Variants in SLC6A5 observed in about 807,000 individuals in gnomAD.
SLC6A5 encodes the protein sodium- and chloride-dependent glycine transporter 2.
Under a neutral mutation model 90.5 loss-of-function variants are expected in SLC6A5, and 58 were observed. The ratio of observed to expected loss-of-function variants is 0.64; its 90% CI spans 0.52 to 0.80. SLC6A5 has a LOEUF of 0.80. Among genes scored for constraint, SLC6A5 ranks in the 30% least tolerant of loss-of-function variants. SLC6A5 has a pLI of 0.00. For synonymous variants in SLC6A5, 427 were observed against 401.4 expected (o/e 1.06, Z -0.76); for missense variants, 1,015 against 1,017.6 (o/e 1.00, Z 0.03).
chr11:20,604,438 G>A lies in SLC6A5; in HGVS notation c.679+14G>A, dbSNP rs1193582051. 3.7e-6 allele frequency: 6 copies of A among 1,612,450 alleles called. No individual in the cohort carries two copies. The highest frequency in any genetic ancestry group is 1.1e-5 in the South Asian group (1 of 90,914). On this transcript the variant is annotated intron_variant, in intron 3 of 15. Transcript: ENST00000525748. ...AGAACGGGGGAGGTATGGCTTTTCCGCTCTTTCCGCCTGCGGCGGGGCGGG... is the reference window on the plus strand; with the variant it reads ...AGAACGGGGGAGGTATGGCTTTTCCACTCTTTCCGCCTGCGGCGGGGCGGG...
intron 13 of SLC6A5, among the ~76,000 whole-genome samples, chr11:20,643,346 C>T (rs748641527): frequency 2.0e-5 from 3 of 151,954 alleles, no homozygotes; most frequent in Non-Finnish European, 4.4e-5. Flanking sequence ...GCTCAGAAGG[C>T]CTAGTGATCA....
intron 9 of SLC6A5, 77 bp from the exon 10 acceptor site, chr11:20,630,614 C>T (rs1363703827): frequency 2.0e-6 from 3 of 1,536,266 alleles, no homozygotes; most frequent in Admixed American, 1.7e-5. Flanking sequence ...TGTGGGCACA[C>T]ATTTGTGTGT....
At chr11:20,619,931 G>C (rs191452732) in intron 7 of SLC6A5, among the ~76,000 whole-genome samples, 1 of 152,276 alleles carries the variant, frequency 6.6e-6, no homozygotes, top group African/African-American at 2.4e-5. Flanking sequence ...CAGGGAGATG[G>C]GAAATGTTAA....
chr11:20,646,363 G>A (rs946290786), intron 13 of SLC6A5, among the ~76,000 whole-genome samples: 1 of 152,182 alleles, frequency 6.6e-6, no homozygotes, highest in African/African-American at 2.4e-5. Flanking sequence ...CTCATTGGAA[G>A]AGTGGCTTTG....
At chr11:20,646,996 A>G in intron 14 of SLC6A5, 62 bp downstream of exon 14, 2 of 1,083,106 alleles carry the variant, frequency 1.8e-6, no homozygotes, top group South Asian at 1.2e-5. Flanking sequence ...GGTGTTTTAC[A>G]TTTGAACAGT....
intron 3 of SLC6A5, among the ~76,000 whole-genome samples, chr11:20,605,204 A>G (rs1247216241): frequency 2.6e-5 from 4 of 152,134 alleles, no homozygotes; most frequent in Non-Finnish European, 4.4e-5. Context: ...AGCAATAGGA[A>G]TTTGAACCTA....
rs182295395 is a variant in SLC6A5, at chr11:20,640,621, C to T, written c.1969+2063C>T. Reference sequence around the variant, plus strand: ...CTGCAGTGTCGGATGTGGGTGTGCGCCTCTGATTTGGATCTGGATGGAATT... The same window carrying T: ...CTGCAGTGTCGGATGTGGGTGTGCGTCTCTGATTTGGATCTGGATGGAATT... On this transcript the variant is annotated intron_variant, in intron 13 of 15. Transcript: ENST00000525748. 4.6e-5 allele frequency among the ~76,000 whole-genome samples: 7 copies of T among 151,750 alleles called. 1 individual carries two copies. In the South Asian group the frequency reaches 1.3e-3, roughly 27 times the overall value.
At chr11:20,632,061 G>T (rs903067258) in intron 10 of SLC6A5, among the ~76,000 whole-genome samples, 3 of 152,184 alleles carry the variant, frequency 2.0e-5, no homozygotes, top group Admixed American at 6.5e-5. Flanking sequence ...GGCCCCAGGA[G>T]ATAAGCAATG....
chr11:20,646,439 T>A (rs1392557924), intron 13 of SLC6A5, among the ~76,000 whole-genome samples: 1 of 152,192 alleles, frequency 6.6e-6, no homozygotes, highest in East Asian at 1.9e-4. Flanking sequence ...TTTCAGAATA[T>A]GCTCTGTTTA....
Position 20,636,420 on chromosome 11 carries a change from G to C in SLC6A5, c.1737+1G>C. The C allele has an allele frequency of 6.4e-7, 1 of 1,572,706 alleles. No homozygotes were observed. The highest frequency in any genetic ancestry group is 1.1e-5 in the South Asian group (1 of 90,230). On this transcript the variant is annotated splice_donor_variant, in intron 11 of 15. Transcript: ENST00000525748. LOFTEE classifies it high-confidence loss of function. ...CCTCACTCTTGGACTTGACACTATG[G>C]TGAGCCCCTTTTCCATCAGTCTCTA...
intron 2 of SLC6A5, among the ~76,000 whole-genome samples, chr11:20,602,446 T>C (rs1852498464): frequency 1.3e-5 from 2 of 152,218 alleles, no homozygotes; most frequent in African/African-American, 2.4e-5. Flanking sequence ...CTCTCTCATA[T>C]AGGCTTTTGT....
chr11:20,619,165 G>A (rs1004545647), intron 7 of SLC6A5, among the ~76,000 whole-genome samples: 1 of 152,144 alleles, frequency 6.6e-6, no homozygotes, highest in Non-Finnish European at 1.5e-5. Context: ...GATTATCCAG[G>A]CCAAGGATTT....
chr11:20,632,834 T>G (rs1414625540), intron 10 of SLC6A5, among the ~76,000 whole-genome samples: 1 of 152,224 alleles, frequency 6.6e-6, no homozygotes, highest in Non-Finnish European at 1.5e-5. Context: ...TGACCCAACT[T>G]TGGTAACTAA....
In SLC6A5 at chr11:20,646,844, A is replaced by G. The variant is rs1450931514; in HGVS notation, c.1980A>G (p.Arg660=). The change falls in exon 14 of 16, where the codon AGA becomes AGG. Residue 660 remains arginine (R), a synonymous_variant. Transcript: ENST00000525748. ...CTTGTCTATTTGCAGGCTTGCAAAG[A>G]TTCTGTGAAGATATAGAGATGATGA... ...VGISYVYGLQ[R]FCEDIEMMIG... 6.2e-7 allele frequency: 1 copy of G among 1,612,838 alleles called. No individual in the cohort carries two copies. The highest frequency in any genetic ancestry group is 1.3e-5 in the African/African-American group (1 of 74,966).
intron 5 of SLC6A5, among the ~76,000 whole-genome samples, chr11:20,611,779 A>C (rs1274443447): frequency 7.4e-6 from 1 of 135,548 alleles, no homozygotes; most frequent in East Asian, 2.2e-4. Flanking sequence ...AAAAAAAAAA[A>C]AAACAAGGTG....
intron 14 of SLC6A5, among the ~76,000 whole-genome samples, chr11:20,647,788 C>A (rs1286261278): frequency 1.3e-5 from 2 of 152,208 alleles, no homozygotes; most frequent in African/African-American, 4.8e-5. Context: ...CTTAGGCGGT[C>A]TGCCTCTAGA....
intron 6 of SLC6A5, among the ~76,000 whole-genome samples, chr11:20,615,440 C>T (rs1203036574): frequency 6.6e-5 from 10 of 152,112 alleles, no homozygotes; most frequent in Non-Finnish European, 1.3e-4. Flanking sequence ...GCGATCTCGG[C>T]TCACTGAAAC....
chr11:20,610,443 T>G (rs1378917734), intron 5 of SLC6A5, among the ~76,000 whole-genome samples: 3 of 152,230 alleles, frequency 2.0e-5, no homozygotes, highest in Non-Finnish European at 4.4e-5. Context: ...AGAGACGCTC[T>G]CTAGTGAGGC....
chr11:20,644,512 T>C (rs1456841442), intron 13 of SLC6A5, among the ~76,000 whole-genome samples: 2 of 152,250 alleles, frequency 1.3e-5, no homozygotes, highest in Non-Finnish European at 2.9e-5. Flanking sequence ...CCATTGATGC[T>C]GCAATAAACA....
Sources: gnomAD v4.1 joint callset for allele counts (sites outside exome capture counted in the v4.1 genomes callset) on GRCh38, gnomAD v4.1.1 for gene constraint, MANE v1.5 for transcripts, NCBI Gene and HGNC (gene_info 2026-07-23, HGNC 2026-07-21) for gene names.